Variants in SDK2 observed in about 807,000 individuals in gnomAD.
SDK2 encodes the protein protein sidekick-2.
Under a neutral mutation model 253.9 loss-of-function variants are expected in SDK2, and 105 were observed. The observed-to-expected ratio is 0.41, with a 90% CI of 0.35 to 0.49. SDK2 has a LOEUF of 0.49. SDK2 is among the 20% of genes least tolerant of loss of function. The pLI is 0.06. For missense variants in SDK2, 2,608 were observed against 3,003.0 expected, an observed-to-expected ratio of 0.87 and a Z score of 3.07; for synonymous variants, 1,249 against 1,234.9, an observed-to-expected ratio of 1.01 and a Z score of -0.24.
intron 3 of SDK2, among the ~76,000 whole-genome samples, chr17:73,457,270 CCTTCCTTCCTTCCT>C (rs2063533626): frequency 1.7e-5 from 1 of 57,972 alleles, no homozygotes; most frequent in African/African-American, 9.7e-5. Context: ...TTCCTTCCTT[CCTTCCTTCCTTCCT>C]TCCCCCCTCC....
At chr17:73,413,425 A>G (rs984858033) in intron 18 of SDK2, among the ~76,000 whole-genome samples, 5 of 152,096 alleles carry the variant, frequency 3.3e-5, no homozygotes, top group Admixed American at 3.3e-4. Context: ...TAAAGTGCAC[A>G]ATAATGTCAT....
intron 3 of SDK2, among the ~76,000 whole-genome samples, chr17:73,464,193 C>T (rs190557268): frequency 3.3e-5 from 5 of 152,138 alleles, no homozygotes; most frequent in Admixed American, 6.5e-5. Context: ...GTGTCCCCAC[C>T]GAAATCTCAC....
intron 1 of SDK2, among the ~76,000 whole-genome samples, chr17:73,554,865 G>A (rs985925544): frequency 1.3e-5 from 2 of 152,198 alleles, no homozygotes; most frequent in African/African-American, 2.4e-5. Flanking sequence ...TTCTGTAAAT[G>A]TTACAAACCC....
At chr17:73,411,590 CAT>C (rs1287793384) in intron 18 of SDK2, among the ~76,000 whole-genome samples, 2 of 152,078 alleles carry the variant, frequency 1.3e-5, no homozygotes, top group African/African-American at 4.8e-5. Context: ...CCCTTTAAAA[CAT>C]AGTGTGGATC....
At chr17:73,436,313 A>G (rs1422822723) in intron 8 of SDK2, among the ~76,000 whole-genome samples, 1 of 152,014 alleles carries the variant, frequency 6.6e-6, no homozygotes, top group African/African-American at 2.4e-5. Context: ...GTGGTGGCTC[A>G]TGCCTGTAAT....
chr17:73,530,600 A>ATAT (rs2064161319), intron 1 of SDK2, among the ~76,000 whole-genome samples: 1 of 152,180 alleles, frequency 6.6e-6, no homozygotes, highest in Non-Finnish European at 1.5e-5. Context: ...TAGGGGCTGT[A>ATAT]AGCCCCTCGC....
rs1042876711 is a variant in SDK2, at chr17:73,616,242, C to G, written c.64+27783G>C. Among the ~76,000 whole-genome samples, 4 of 152,126 alleles carry G rather than the reference C, an allele frequency of 2.6e-5. No individual in the cohort carries two copies. Among genetic ancestry groups the G allele is most frequent in the Non-Finnish European group, 5.9e-5 (4 of 68,022 alleles). ...CACTGTGAACCTTGTGCTCGGCAGC[C>G]CCAGGCATCCCGGTGCTGCTTGCCT... On this transcript the variant is annotated intron_variant, in intron 1 of 44. Coordinates refer to ENST00000392650, the MANE Select transcript of SDK2 (RefSeq NM_001144952.2). This position sits in a 1 kb window ranked among gnomAD's most constrained non-coding sequence, Gnocchi z 5.2.
intron 38 of SDK2, among the ~76,000 whole-genome samples, chr17:73,364,964 G>A (rs2062671435): frequency 6.6e-6 from 1 of 152,126 alleles, no homozygotes; most frequent in South Asian, 2.1e-4. Context: ...TGTCCACTCA[G>A]GTTTCCCTTC....
chr17:73,382,582 G>A (rs896368743), intron 33 of SDK2, among the ~76,000 whole-genome samples: 2 of 152,202 alleles, frequency 1.3e-5, no homozygotes, highest in African/African-American at 2.4e-5. Context: ...GTGCTGTAAC[G>A]TGTTTTATCG....
chr17:73,389,628 A>C (rs1315711130), intron 29 of SDK2, among the ~76,000 whole-genome samples: 1 of 152,222 alleles, frequency 6.6e-6, no homozygotes, highest in African/African-American at 2.4e-5. Flanking sequence ...GTGCCAGCTC[A>C]GGGCAGCAGT....
At chr17:73,606,684 A>G (rs1376153168) in intron 1 of SDK2, among the ~76,000 whole-genome samples, 1 of 152,104 alleles carries the variant, frequency 6.6e-6, no homozygotes. Context: ...TTTCTTTTGG[A>G]AAGTCACGAT....
At chr17:73,562,036 G>T (rs781618349) in intron 1 of SDK2, among the ~76,000 whole-genome samples, 1 of 152,138 alleles carries the variant, frequency 6.6e-6, no homozygotes, top group Non-Finnish European at 1.5e-5. Flanking sequence ...TAAGGCAGGA[G>T]AATTGCTTGA....
chr17:73,400,414 G>A (rs557813654), intron 21 of SDK2, among the ~76,000 whole-genome samples: 1 of 152,340 alleles, frequency 6.6e-6, no homozygotes, highest in East Asian at 1.9e-4. Flanking sequence ...CCATTGCCTG[G>A]TGTGGAATCT....
chr17:73,590,575 C>T (rs947612691), intron 1 of SDK2, among the ~76,000 whole-genome samples: 34 of 152,308 alleles, frequency 2.2e-4, no homozygotes, highest in African/African-American at 7.7e-4. Context: ...CTTCAACACA[C>T]CCTGAGAATG....
At chr17:73,546,254 C>T (rs2044963456) in intron 1 of SDK2, among the ~76,000 whole-genome samples, 2 of 152,168 alleles carry the variant, frequency 1.3e-5, no homozygotes, top group African/African-American at 4.8e-5. Context: ...CGGATGCAGG[C>T]GGAGGAGGAA....
intron 10 of SDK2, among the ~76,000 whole-genome samples, chr17:73,432,089 C>A (rs1016321781): frequency 1.3e-5 from 2 of 151,920 alleles, no homozygotes; most frequent in African/African-American, 4.8e-5. Context: ...CAGGATGCTT[C>A]TGGGGAGAGT....
At chr17:73,381,779 C>T (rs2062832994) in intron 33 of SDK2, among the ~76,000 whole-genome samples, 1 of 151,922 alleles carries the variant, frequency 6.6e-6, no homozygotes, top group African/African-American at 2.4e-5. Flanking sequence ...GTGGTGCACG[C>T]CTGTAGGTCC....
intron 1 of SDK2, among the ~76,000 whole-genome samples, chr17:73,600,637 G>A (rs2045824839): frequency 6.6e-6 from 1 of 152,218 alleles, no homozygotes; most frequent in South Asian, 2.1e-4. Context: ...CTCCTCTCCT[G>A]CTCTGCGACA....
chr17:73,346,002 T>G (rs890799430), intron 44 of SDK2, among the ~76,000 whole-genome samples: 1 of 151,486 alleles, frequency 6.6e-6, no homozygotes, highest in Non-Finnish European at 1.5e-5. Flanking sequence ...AGGTCAGGAG[T>G]TCTAGACCAG....
Sources: allele counts gnomAD v4.1 joint callset (sites outside exome capture counted in the v4.1 genomes callset), GRCh38; gene constraint gnomAD v4.1.1; non-coding constraint Gnocchi (gnomAD v3.1); transcripts MANE v1.5; gene names NCBI Gene and HGNC (gene_info 2026-07-23, HGNC 2026-07-21).